LTF: variants seen among roughly 807,000 people sequenced by gnomAD.
LTF encodes the protein epididymis luminal protein 110.
In LTF, 91 loss-of-function variants were observed where a neutral mutation model predicts 87.2. The ratio of observed to expected loss-of-function variants is 1.04; its 90% CI spans 0.88 to 1.24. The LOEUF (loss-of-function observed/expected upper bound fraction) is 1.24, where lower values mean the gene tolerates loss of function less well. Ranked by LOEUF, LTF falls within the 50% of genes most tolerant of loss-of-function variation. The pLI is 0.00. For missense variants in LTF, 901 were observed against 904.3 expected, an observed-to-expected ratio of 1.00 and a Z score of 0.05; for synonymous variants, 378 against 356.1, an observed-to-expected ratio of 1.06 and a Z score of -0.69.
At chr3:46,465,118 C>T (rs966695902), upstream of LTF, 1 of 554,938 alleles carries the variant, frequency 1.8e-6, no homozygotes, top group Non-Finnish European at 3.2e-6. Context: ...TGCCTGGCTG[C>T]TGCGATGTTC....
chr3:46,462,990 C>T (rs1703122971), intron 1 of LTF, among the ~76,000 whole-genome samples: 2 of 152,130 alleles, frequency 1.3e-5, no homozygotes, highest in Admixed American at 6.5e-5. Flanking sequence ...GCTGAGCTCC[C>T]TTCCAGGATT....
upstream of LTF, chr3:46,468,200 C>T (rs1423809408): frequency 2.2e-6 from 1 of 456,778 alleles, no homozygotes; most frequent in Non-Finnish European, 4.4e-6. Flanking sequence ...AGGGTCAGGG[C>T]TGCCTAAGCC....
At chr3:46,467,050 G>A (rs1432652851), upstream of LTF, among the ~76,000 whole-genome samples, 1 of 152,156 alleles carries the variant, frequency 6.6e-6, no homozygotes, top group African/African-American at 2.4e-5. Flanking sequence ...CAACAGGGCA[G>A]ACTGTTTTCC....
intron 1 of LTF, 78 bp downstream of exon 1, chr3:46,464,747 C>G: frequency 6.5e-7 from 1 of 1,544,532 alleles, no homozygotes. Context: ...CAACCGGACA[C>G]AGGGACCAAA....
At chr3:46,446,912 G>A (rs1007718500) in intron 10 of LTF, among the ~76,000 whole-genome samples, 6 of 152,222 alleles carry the variant, frequency 3.9e-5, no homozygotes, top group Non-Finnish European at 7.3e-5. Context: ...GAAGCCAGGA[G>A]AGAGGCTTCC....
upstream of LTF, among the ~76,000 whole-genome samples, chr3:46,465,775 C>A (rs1703199988): frequency 6.6e-6 from 1 of 152,172 alleles, no homozygotes; most frequent in Non-Finnish European, 1.5e-5. Context: ...ATTCCCATGA[C>A]ACACAGCACC....
At chr3:46,472,041 C>G in intron 1 of LTF, among the ~76,000 whole-genome samples, 1 of 152,136 alleles carries the variant, frequency 6.6e-6, no homozygotes, top group East Asian at 1.9e-4. Context: ...CTGTGTCGCT[C>G]TTTCTGGGCA....
intron 1 of LTF, among the ~76,000 whole-genome samples, chr3:46,472,962 C>A (rs1703313696): frequency 6.6e-6 from 1 of 152,172 alleles, no homozygotes; most frequent in Admixed American, 6.5e-5. Flanking sequence ...TAGGTCAATA[C>A]ATGTGTGTCC....
At chr3:46,481,655 G>A (rs1703433112) in intron 1 of LTF, among the ~76,000 whole-genome samples, 1 of 152,220 alleles carries the variant, frequency 6.6e-6, no homozygotes, top group Non-Finnish European at 1.5e-5. Context: ...GGAGGCTGAG[G>A]CAGAAGAATC....
chr3:46,447,357 C>T lies in LTF; in HGVS notation c.1254G>A (p.Val418=), dbSNP rs1442649209. ...CCAAACCACATTTGCCTGCAGTGTACACATATCCTCCATCCAAACTCATGG... is the reference window on the plus strand; with the variant it reads ...CCAAACCACATTTGCCTGCAGTGTATACATATCCTCCATCCAAACTCATGG... ...ADAMSLDGGY[V]YTAGKCGLVP... Residue 418 remains valine, a synonymous_variant, in exon 10 of 17, where the codon GTG becomes GTA. Coordinates refer to ENST00000231751, the MANE Select transcript of LTF (RefSeq NM_002343.6). 1 of 1,614,070 alleles carries T rather than the reference C, an allele frequency of 6.2e-7. No individual in the cohort carries two copies. Among genetic ancestry groups the T allele is most frequent in the Non-Finnish European group, 8.5e-7 (1 of 1,180,024 alleles).
At chr3:46,460,604 T>A in intron 1 of LTF, 1 of 455,208 alleles carries the variant, frequency 2.2e-6, no homozygotes, top group Non-Finnish European at 4.4e-6. Flanking sequence ...AAACCTGCAA[T>A]GAACATCATA....
chr3:46,438,039 C>A lies in LTF; in HGVS notation c.1999G>T (p.Glu667Ter). ...TTGCCATGGAGTCTGGCCAGACACT[C>A]AGTGTTGTCATTGAACAGAAGGTTT... is the stretch of plus-strand genomic sequence containing the variant. ...TKNLLFNDNT[E>*]CLARLHGKTT... Residue 667 changes from glutamate to a stop codon, truncating the protein, a stop_gained, in exon 16 of 17, where the codon GAG becomes TAG. Coordinates refer to ENST00000231751, the MANE Select transcript of LTF (RefSeq NM_002343.6). LOFTEE classifies it high-confidence loss of function. The A allele has an allele frequency of 6.2e-7, 1 of 1,613,954 alleles. No homozygotes were observed. The highest frequency in any genetic ancestry group is 8.5e-7 in the Non-Finnish European group (1 of 1,179,918).
intron 16 of LTF, among the ~76,000 whole-genome samples, chr3:46,437,617 G>A (rs7621641): frequency 6.6e-6 from 1 of 152,088 alleles, no homozygotes; most frequent in Non-Finnish European, 1.5e-5. Context: ...GCCATCACAC[G>A]TGGCTGGTTT....
At chr3:46,482,654 A>AGG (rs1481932934) in intron 1 of LTF, among the ~76,000 whole-genome samples, 34 of 105,532 alleles carry the variant, frequency 3.2e-4, no homozygotes, top group Non-Finnish European at 4.7e-4. Flanking sequence ...GAAAGAAAGA[A>AGG]AGAAAGAAGG....
At chr3:46,446,917 G>C (rs1017892775) in intron 10 of LTF, among the ~76,000 whole-genome samples, 1 of 152,166 alleles carries the variant, frequency 6.6e-6, no homozygotes, top group Non-Finnish European at 1.5e-5. Flanking sequence ...CAGGAGAGAG[G>C]CTTCCCTTGC....
At chr3:46,469,593 AC>A (rs1483153726), upstream of LTF, 6 of 152,416 alleles carry the variant, frequency 3.9e-5, no homozygotes, top group African/African-American at 1.4e-4. Context: ...TTTGCTGATC[AC>A]CCTGAAGAGA....
intron 1 of LTF, among the ~76,000 whole-genome samples, chr3:46,481,984 AAG>A (rs1209610363): frequency 2.0e-5 from 3 of 152,250 alleles, no homozygotes; most frequent in Non-Finnish European, 2.9e-5. Flanking sequence ...AGTAAGAAGA[AAG>A]AGAAAAACAC....
At chr3:46,482,535 G>A (rs193106754) in intron 1 of LTF, among the ~76,000 whole-genome samples, 6,770 of 53,356 alleles carry the variant, frequency 0.13, 1,901 homozygotes, top group East Asian at 0.21. Flanking sequence ...GAAGGGAAGG[G>A]AAGGGAAGGG....
intron 16 of LTF, among the ~76,000 whole-genome samples, chr3:46,437,474 C>G (rs941703577): frequency 3.3e-5 from 5 of 151,950 alleles, no homozygotes; most frequent in Non-Finnish European, 7.4e-5. Flanking sequence ...GTGCTTGACA[C>G]CACACCAGGC....
Sources: allele counts gnomAD v4.1 joint callset (sites outside exome capture counted in the v4.1 genomes callset), GRCh38; gene constraint gnomAD v4.1.1; transcripts MANE v1.5; gene names NCBI Gene and HGNC (gene_info 2026-07-23, HGNC 2026-07-21).